The following TSTD2 variants were observed in gnomAD, a reference collection of about 807,000 sequenced individuals.
The protein encoded by TSTD2 is thiosulfate sulfurtransferase/rhodanese-like domain-containing protein 2.
TSTD2 carries 37 observed loss-of-function variants against 47.9 expected under a neutral mutation model. The ratio of observed to expected loss-of-function variants is 0.77; its 90% CI spans 0.59 to 1.02. TSTD2 has a LOEUF of 1.02. Among genes scored for constraint, TSTD2 ranks in the 50% least tolerant of loss-of-function variants. The pLI, the probability that TSTD2 is intolerant of heterozygous loss-of-function variation, is 0.00. For synonymous variants in TSTD2, 201 were observed against 215.9 expected, an observed-to-expected ratio of 0.93 and a Z score of 0.61; for missense variants, 586 against 616.0, an observed-to-expected ratio of 0.95 and a Z score of 0.52.
At chr9:97,631,816 C>A (rs1442020926) in intron 1 of TSTD2, among the ~76,000 whole-genome samples, 2 of 151,792 alleles carry the variant, frequency 1.3e-5, no homozygotes, top group African/African-American at 4.9e-5. Context: ...TGCACTCCAG[C>A]CTGGGCAACA....
At position 97,602,412 on chromosome 9, in the gene TSTD2, T is replaced by C. The variant is rs1587973200; in HGVS notation, c.*57A>G. 2.0e-6 allele frequency: 3 copies of C among 1,514,072 alleles called. No individual in the cohort carries two copies. The East Asian group carries it at 6.9e-5, about 35-fold the overall frequency. The allele number at this position is 1,514,072 out of a possible 1,614,324, so 93.8% of individuals were successfully genotyped here. ...CTGCAGTCTTGCCATGCTTTCTCTG[T>C]ATAGTCACCCCAAACCTACTTTTAC... On this transcript the variant is annotated 3_prime_UTR_variant, in exon 10 of 10. Coordinates refer to ENST00000341170, the MANE Select transcript of TSTD2 (RefSeq NM_139246.5).
chr9:97,625,641 A>G, intron 3 of TSTD2, 40 bp downstream of exon 3: 1 of 1,553,496 alleles, frequency 6.4e-7, no homozygotes, highest in Non-Finnish European at 8.7e-7. Context: ...GGTTGGAAAA[A>G]TACTTTAAAT....
At chr9:97,615,398 G>A (rs1393099930) in intron 4 of TSTD2, among the ~76,000 whole-genome samples, 2 of 152,246 alleles carry the variant, frequency 1.3e-5, no homozygotes, top group African/African-American at 4.8e-5. Context: ...ATAGCTGATA[G>A]CTGGTAAATC....
At chr9:97,618,711 T>G (rs1036278152) in intron 3 of TSTD2, among the ~76,000 whole-genome samples, 3 of 152,186 alleles carry the variant, frequency 2.0e-5, no homozygotes, top group African/African-American at 4.8e-5. Flanking sequence ...CCTCTAGAAC[T>G]AGTGTTCCAC....
chr9:97,612,731 T>G (rs933089751), intron 4 of TSTD2, among the ~76,000 whole-genome samples: 2 of 152,234 alleles, frequency 1.3e-5, no homozygotes, highest in African/African-American at 4.8e-5. Flanking sequence ...AATGTTCGTA[T>G]TTTTAGTAGA....
intron 8 of TSTD2, 65 bp downstream of exon 8, chr9:97,605,418 G>T: frequency 6.3e-7 from 1 of 1,593,774 alleles, no homozygotes; most frequent in South Asian, 1.1e-5. Context: ...ACAGCTCCAC[G>T]TAAGCTGCTG....
chr9:97,606,285 T>C, intron 6 of TSTD2, 24 bp from the exon 7 acceptor site: 2 of 1,466,638 alleles, frequency 1.4e-6, no homozygotes, highest in African/African-American at 1.4e-5. Flanking sequence ...AAAAAAATTA[T>C]ATTAAAACAA....
Position 97,601,532 on chromosome 9 carries a change from G to A in TSTD2, c.*937C>T, listed in dbSNP as rs913372564. 4 of 989,456 alleles carry A rather than the reference G, an allele frequency of 4.0e-6. No individual in the cohort carries two copies. Among genetic ancestry groups the A allele is most frequent in the Non-Finnish European group, 4.8e-6 (4 of 832,374 alleles). The allele number at this position is 989,456 out of a possible 1,614,324, so 61.3% of individuals were successfully genotyped here. A position where few individuals can be genotyped will look rare whatever the true frequency, so the allele number is the denominator to read the frequency against. ...CGAAACCAAACCAACAGAAAATGAA[G>A]AAGGCCACATCTTTAAGGCCACCTC... On this transcript the variant is annotated 3_prime_UTR_variant, in exon 10 of 10. Transcript: ENST00000341170.
chr9:97,606,416 T>C (rs1399135548), intron 6 of TSTD2, among the ~76,000 whole-genome samples, 155 bp from the exon 7 acceptor site: 1 of 152,234 alleles, frequency 6.6e-6, no homozygotes, highest in African/African-American at 2.4e-5. Context: ...CACTACTTGA[T>C]GATCATGATG....
At chr9:97,613,863 G>A (rs902199269) in intron 4 of TSTD2, among the ~76,000 whole-genome samples, 1 of 136,198 alleles carries the variant, frequency 7.3e-6, no homozygotes, top group Non-Finnish European at 1.5e-5. Flanking sequence ...GAGTCTCGCT[G>A]TGTCGCCCAG....
chr9:97,623,276 C>T (rs971911500), intron 3 of TSTD2, among the ~76,000 whole-genome samples: 1 of 152,166 alleles, frequency 6.6e-6, no homozygotes, highest in Non-Finnish European at 1.5e-5. Flanking sequence ...CTGCCATCTA[C>T]GTAAGATGTG....
At chr9:97,607,232 A>G (rs1826380857) in intron 6 of TSTD2, among the ~76,000 whole-genome samples, 1 of 152,114 alleles carries the variant, frequency 6.6e-6, no homozygotes, top group Admixed American at 6.5e-5. Context: ...TTGCCTTGTA[A>G]CTCTCTAGGA....
At position 97,602,245 on chromosome 9, in the gene TSTD2, C is replaced by G. The variant is rs1046487264; in HGVS notation, c.*224G>C. On this transcript the variant is annotated 3_prime_UTR_variant, in exon 10 of 10. Transcript: ENST00000341170. ...AGCTTTGGGATCCCATGCAGCTCAC[C>G]TATTTTCTGTGCTCTAGCATCATCC... is the stretch of plus-strand genomic sequence containing the variant. The G allele has an allele frequency of 1.8e-6, 1 of 553,554 alleles. No homozygotes were observed. The allele number at this position is 553,554 out of a possible 1,614,324, so 34.3% of individuals were successfully genotyped here. A position where few individuals can be genotyped will look rare whatever the true frequency, so the allele number is the denominator to read the frequency against.
chr9:97,612,745 G>A (rs910736445), intron 4 of TSTD2, among the ~76,000 whole-genome samples: 15 of 152,200 alleles, frequency 9.9e-5, no homozygotes, highest in Admixed American at 3.9e-4. Context: ...TAGTAGAGAC[G>A]GGGTTTCGCC....
Position 97,611,750 on chromosome 9 carries a change from T to C in TSTD2, c.604-51A>G, listed in dbSNP as rs147070204. The C allele has an allele frequency of 6.4e-3, 10,063 of 1,569,326 alleles. 41 individuals carry two copies. Among genetic ancestry groups the C allele is most frequent in the Non-Finnish European group, 7.7e-3 (8,828 of 1,147,320 alleles). ...GAACAGATTGTTCTTAGCTTGGTTATCTTTCCAGGGAAGAACAATAGGCTC... is the reference window on the plus strand; with the variant it reads ...GAACAGATTGTTCTTAGCTTGGTTACCTTTCCAGGGAAGAACAATAGGCTC... On this transcript the variant is annotated intron_variant, in intron 4 of 9. Coordinates refer to ENST00000341170, the MANE Select transcript of TSTD2 (RefSeq NM_139246.5).
intron 4 of TSTD2, among the ~76,000 whole-genome samples, chr9:97,613,905 T>C (rs1356685600): frequency 6.6e-6 from 1 of 150,958 alleles, no homozygotes. Flanking sequence ...CTCGGCTCAC[T>C]GCAAGCTCCG....
chr9:97,614,080 G>C (rs773808421), intron 4 of TSTD2, among the ~76,000 whole-genome samples: 5 of 151,976 alleles, frequency 3.3e-5, no homozygotes, highest in Non-Finnish European at 5.9e-5. Flanking sequence ...TGCCTGCCTC[G>C]GCCTTCCAAA....
Position 97,627,394 on chromosome 9 carries a change from C to G in TSTD2, c.165+4G>C, listed in dbSNP as rs188261698. ...TGATCATGAAACATTCATAAGAATT[C>G]TACCTTTTTCTTTGCAAACGAGTAT... On this transcript the variant is annotated splice_donor_region_variant and intron_variant, in intron 2 of 9. Coordinates refer to ENST00000341170, the MANE Select transcript of TSTD2 (RefSeq NM_139246.5). The G allele has an allele frequency of 6.3e-7, 1 of 1,590,226 alleles. No homozygotes were observed. The highest frequency in any genetic ancestry group is 8.6e-7 in the Non-Finnish European group (1 of 1,165,756).
At position 97,617,848 on chromosome 9, in the gene TSTD2, A is replaced by T; in HGVS notation, c.512T>A (p.Leu171His). 1.2e-6 allele frequency: 2 copies of T among 1,614,024 alleles called. No homozygotes were observed. Among genetic ancestry groups the T allele is most frequent in the Admixed American group, 1.7e-5 (1 of 59,994 alleles). ...CAGGTCATGGTAGCAGTAATAAAGG[A>T]GCACCTCCCCTTCTTCACTGCCCTG... ...SGQGSEEGEV[L>H]LYYCYHDLED... Residue 171 changes from leucine to histidine, a missense_variant, in exon 4 of 10, where the codon CTC becomes CAC. Transcript: ENST00000341170.
Sources: allele counts gnomAD v4.1 joint callset (sites outside exome capture counted in the v4.1 genomes callset), GRCh38; gene constraint gnomAD v4.1.1; transcripts MANE v1.5; gene names NCBI Gene and HGNC (gene_info 2026-07-23, HGNC 2026-07-21).